SLC15A4: variants seen among roughly 807,000 people sequenced by gnomAD.
SLC15A4 encodes hPHT1.
In SLC15A4, 26 loss-of-function variants were observed where a neutral mutation model predicts 46.1. That is an observed-to-expected ratio of 0.56 (90% CI 0.41 to 0.78). The LOEUF (loss-of-function observed/expected upper bound fraction) is 0.78. Ranked by LOEUF, SLC15A4 falls within the 30% of genes least tolerant of loss-of-function variation. The probability of loss-of-function intolerance (pLI) is 0.00; values close to 1 mark genes in which losing one functional copy is unlikely to be tolerated. For synonymous variants in SLC15A4, 370 were observed against 333.4 expected (o/e 1.11, Z -1.20); for missense variants, 751 against 755.7 (o/e 0.99, Z 0.07).
At chr12:128,816,599 G>A (rs961650274) in intron 1 of SLC15A4, among the ~76,000 whole-genome samples, 1 of 152,196 alleles carries the variant, frequency 6.6e-6, no homozygotes, top group Non-Finnish European at 1.5e-5. Flanking sequence ...GGGAAGCCAG[G>A]GCAGGCAGAC....
At chr12:128,797,998 G>A (rs1270425814) in intron 7 of SLC15A4, among the ~76,000 whole-genome samples, 1 of 152,184 alleles carries the variant, frequency 6.6e-6, no homozygotes, top group Non-Finnish European at 1.5e-5. Flanking sequence ...CACGCCCTGA[G>A]AGCACCAATG....
chr12:128,813,075 T>C (rs2135716977), intron 2 of SLC15A4: 1 of 152,320 alleles, frequency 6.6e-6, no homozygotes, highest in South Asian at 2.1e-4. Context: ...ACACGGATAC[T>C]AAAACTTTAA....
intron 5 of SLC15A4, among the ~76,000 whole-genome samples, chr12:128,805,712 G>A (rs10744389): frequency 0.69 from 105,194 of 151,774 alleles, 36,954 homozygotes; most frequent in East Asian, 0.77. Flanking sequence ...TAGTATTTTT[G>A]GTAGAGATGG....
rs202033668 is a variant in SLC15A4, at chr12:128,797,988, C to CA, written c.1573+1270dup. 7.8e-3 allele frequency among the ~76,000 whole-genome samples: 1,187 copies of CA among 152,334 alleles called. 13 individuals are homozygous for CA. The highest frequency in any genetic ancestry group is 0.027 in the African/African-American group (1,124 of 41,578). On this transcript the variant is annotated intron_variant, in intron 7 of 7. Coordinates refer to ENST00000266771, the MANE Select transcript of SLC15A4 (RefSeq NM_145648.4). Reference sequence around the variant, plus strand: ...CAGATCCTGGCCCATCCCCAGCACACACGCCCTGAGAGCACCAATGCAGGG... The same window carrying CA: ...CAGATCCTGGCCCATCCCCAGCACACAACGCCCTGAGAGCACCAATGCAGGG...
chr12:128,809,565 G>T, intron 3 of SLC15A4, 92 bp from the exon 4 acceptor site: 1 of 742,780 alleles, frequency 1.3e-6, no homozygotes, highest in Non-Finnish European at 2.3e-6. Context: ...AGACTCAGAT[G>T]CGACACACAG....
At chr12:128,811,613 C>T (rs1955657167) in intron 2 of SLC15A4, among the ~76,000 whole-genome samples, 1 of 152,210 alleles carries the variant, frequency 6.6e-6, no homozygotes, top group African/African-American at 2.4e-5. Context: ...ATTATAAATA[C>T]TTTCACTCGA....
rs140861486 is a variant in SLC15A4 at position 128,803,570 on chromosome 12, C to G, written c.1259-2561G>C. On this transcript the variant is annotated intron_variant, in intron 5 of 7. Coordinates refer to ENST00000266771, the MANE Select transcript of SLC15A4 (RefSeq NM_145648.4). ...CCACATGCGCTACCTTCCAACCCAA[C>G]GGCTGTTTCACTATGGATGACACAT... Among the ~76,000 whole-genome samples the G allele has an allele frequency of 5.9e-3, 893 of 152,298 alleles. 16 individuals carry two copies. The highest frequency in any genetic ancestry group is 0.021 in the African/African-American group (857 of 41,560).
Position 128,808,964 on chromosome 12 carries a change from GAAACACA to G in SLC15A4, c.1090-15_1090-9del. The G allele has an allele frequency of 1.2e-6, 2 of 1,610,446 alleles. No homozygotes were observed. Among genetic ancestry groups the G allele is most frequent in the Non-Finnish European group, 1.7e-6 (2 of 1,177,852 alleles). On this transcript the variant is annotated splice_polypyrimidine_tract_variant and intron_variant, in intron 4 of 7. Coordinates refer to ENST00000266771, the MANE Select transcript of SLC15A4 (RefSeq NM_145648.4). ...CAGCCAGGCTGCAGGGAGCTGGGGT[GAAACACA>G]GGAGGAGGCGTTTACTCCCCGCAAT... is the stretch of plus-strand genomic sequence containing the variant.
At chr12:128,805,646 T>A (rs532170866) in intron 5 of SLC15A4, among the ~76,000 whole-genome samples, 14 of 152,228 alleles carry the variant, frequency 9.2e-5, no homozygotes, top group Middle Eastern at 3.4e-3. Flanking sequence ...GATTCTCATA[T>A]CTCAGCCTCC....
At chr12:128,818,075 C>T (rs1955783977) in intron 1 of SLC15A4, among the ~76,000 whole-genome samples, 1 of 145,848 alleles carries the variant, frequency 6.9e-6, no homozygotes, top group Admixed American at 7.0e-5. Flanking sequence ...AGTTTTTCCT[C>T]TAGAAAAAAA....
intron 5 of SLC15A4, among the ~76,000 whole-genome samples, chr12:128,806,377 A>C (rs928870924): frequency 1.3e-5 from 2 of 152,124 alleles, no homozygotes; most frequent in African/African-American, 4.8e-5. Context: ...CCTTCAGCTA[A>C]GAAAAGATTA....
chr12:128,794,328 A>G lies in SLC15A4; in HGVS notation c.1602T>C (p.Tyr534=), dbSNP rs1955421088. The change falls in exon 8 of 8, where the codon TAT becomes TAC. Residue 534 remains tyrosine, a synonymous_variant. Coordinates refer to ENST00000266771, the MANE Select transcript of SLC15A4 (RefSeq NM_145648.4). ...GAATAGCAGCCAGAAGAAAAAAGTA[A>G]TAGTTCAAATAGCAGCCGTTAATAT... The part of the protein sequence containing the change: ...FGNINGCYLN[Y]YFFLLAAIQG... 1.9e-6 allele frequency: 3 copies of G among 1,613,168 alleles called. No homozygotes were observed. Among genetic ancestry groups the G allele is most frequent in the Middle Eastern group, 1.7e-4 (1 of 6,054 alleles).
chr12:128,794,346 G>A lies in SLC15A4; in HGVS notation c.1584C>T (p.Asn528=), dbSNP rs149183173. ...AAAAGTAATAGTTCAAATAGCAGCC[G>A]TTAATATTACCTGGAGAAAACAAAA... ...MSSHTDFGNI[N]GCYLNYYFFL... Residue 528 remains asparagine (N), a synonymous_variant, in exon 8 of 8, where the codon AAC becomes AAT. Coordinates refer to ENST00000266771, the MANE Select transcript of SLC15A4 (RefSeq NM_145648.4). The A allele has an allele frequency of 5.0e-5, 79 of 1,585,732 alleles. No homozygotes were observed. The African/African-American group carries it at 5.9e-4, about 12-fold the overall frequency.
At chr12:128,818,878 G>A (rs1453158096) in intron 1 of SLC15A4, among the ~76,000 whole-genome samples, 1 of 152,126 alleles carries the variant, frequency 6.6e-6, no homozygotes, top group Non-Finnish European at 1.5e-5. Context: ...GGCCTTATGT[G>A]TCTGGCTTCC....
intron 2 of SLC15A4, chr12:128,814,282 G>A: frequency 4.3e-6 from 1 of 231,998 alleles, no homozygotes; most frequent in Non-Finnish European, 8.4e-6. Context: ...GCCGTATGAT[G>A]GACCTGACCG....
chr12:128,805,595 T>C (rs1431617369), intron 5 of SLC15A4, among the ~76,000 whole-genome samples: 1 of 152,172 alleles, frequency 6.6e-6, no homozygotes, highest in Non-Finnish European at 1.5e-5. Context: ...TGCAATGGCA[T>C]GATCTCAGCT....
intron 5 of SLC15A4, among the ~76,000 whole-genome samples, chr12:128,806,772 T>C (rs2170989): frequency 0.4 from 60,042 of 151,922 alleles, 12,123 homozygotes; most frequent in Admixed American, 0.5. Context: ...GAGCTGCTGC[T>C]GTCACACTAG....
intron 2 of SLC15A4, chr12:128,814,509 C>G: frequency 2.4e-6 from 1 of 409,422 alleles, no homozygotes; most frequent in East Asian, 3.8e-5. Flanking sequence ...ACCAAAGGAG[C>G]TTCCGTCTAC....
chr12:128,806,402 C>CATTTATTATGGGTGTAG (rs1010430391), intron 5 of SLC15A4, among the ~76,000 whole-genome samples: 1 of 151,832 alleles, frequency 6.6e-6, no homozygotes, highest in African/African-American at 2.4e-5. Context: ...AAAAAAAAAT[C>CATTTATTATGGGTGTAG]ATTTATTATG....
Sources: allele counts gnomAD v4.1 joint callset (sites outside exome capture counted in the v4.1 genomes callset), GRCh38; gene constraint gnomAD v4.1.1; transcripts MANE v1.5; gene names NCBI Gene and HGNC (gene_info 2026-07-23, HGNC 2026-07-21).